The following GRID2 variants were observed in gnomAD, a reference collection of about 807,000 sequenced individuals.
GRID2 encodes glutamate ionotropic receptor delta type subunit 2.
In GRID2, 33 loss-of-function variants were observed where a neutral mutation model predicts 114.8. That is an observed-to-expected ratio of 0.29 (90% confidence interval 0.22 to 0.38). GRID2 has a LOEUF of 0.38. Ranked by LOEUF, GRID2 falls within the 10% of genes least tolerant of loss-of-function variation. GRID2 has a pLI of 1.00. For synonymous variants in GRID2, 505 were observed against 449.9 expected (o/e 1.12, Z -1.55); for missense variants, 1,184 against 1,257.7 (o/e 0.94, Z 0.89).
At chr4:92,806,378 A>G (rs1342468412) in intron 2 of GRID2, among the ~76,000 whole-genome samples, 2 of 151,948 alleles carry the variant, frequency 1.3e-5, no homozygotes, top group Non-Finnish European at 2.9e-5. Context: ...AAGATTGTAT[A>G]AATGCAATAG....
chr4:93,146,697 T>C (rs1736293496), intron 4 of GRID2, among the ~76,000 whole-genome samples: 1 of 31,616 alleles, frequency 3.2e-5, no homozygotes, highest in African/African-American at 1.7e-4. Flanking sequence ...GGTACCTAAG[T>C]GATTTAAAAA....
intron 1 of GRID2, among the ~76,000 whole-genome samples, chr4:92,307,057 A>T (rs564894970): frequency 2.0e-5 from 3 of 152,146 alleles, no homozygotes; most frequent in African/African-American, 7.2e-5. Context: ...GACGGGTAGT[A>T]TGTGTGTAAT....
At chr4:92,604,875 A>G (rs1249643102) in intron 2 of GRID2, among the ~76,000 whole-genome samples, 1 of 152,002 alleles carries the variant, frequency 6.6e-6, no homozygotes, top group Non-Finnish European at 1.5e-5. Flanking sequence ...TTTAATCTTC[A>G]TAAGCTCCAT....
intron 1 of GRID2, among the ~76,000 whole-genome samples, chr4:92,565,550 T>C (rs1244754861): frequency 5.9e-5 from 9 of 152,056 alleles, no homozygotes; most frequent in Non-Finnish European, 1.5e-5. Context: ...GCTATCTATC[T>C]ATCTATCTAC....
At chr4:93,306,630 A>T (rs77732185) in intron 8 of GRID2, among the ~76,000 whole-genome samples, 2,629 of 152,276 alleles carry the variant, frequency 0.017, 81 homozygotes, top group African/African-American at 0.06. Context: ...AGTGTATTTT[A>T]AAAATAGCTG....
intron 1 of GRID2, among the ~76,000 whole-genome samples, chr4:92,407,342 C>T (rs1731079078): frequency 1.3e-5 from 2 of 152,056 alleles, no homozygotes. Context: ...TTGATGGGCG[C>T]ATAGGTTGAT....
At chr4:92,382,506 A>G (rs2110239562) in intron 1 of GRID2, among the ~76,000 whole-genome samples, 1 of 152,160 alleles carries the variant, frequency 6.6e-6, no homozygotes, top group South Asian at 2.1e-4. Flanking sequence ...TAGTTGAAAA[A>G]TGTAGGTGTA....
At chr4:93,252,567 T>C (rs1348289729) in intron 8 of GRID2, among the ~76,000 whole-genome samples, 3 of 152,116 alleles carry the variant, frequency 2.0e-5, no homozygotes, top group Non-Finnish European at 2.9e-5. Context: ...TTTGGTTCCA[T>C]AAAAATTTTA....
chr4:93,766,097 A>G (rs1733646445), intron 14 of GRID2, among the ~76,000 whole-genome samples: 1 of 152,164 alleles, frequency 6.6e-6, no homozygotes, highest in Admixed American at 6.5e-5. Flanking sequence ...GTAGGAGGCA[A>G]TATGGAGGAT....
chr4:93,060,646 T>G (rs962564911), intron 2 of GRID2, among the ~76,000 whole-genome samples: 1 of 152,180 alleles, frequency 6.6e-6, no homozygotes, highest in Non-Finnish European at 1.5e-5. Flanking sequence ...TTCTACAATA[T>G]GTGACTTTTC....
chr4:93,613,649 TGAG>T (rs1254173646), intron 13 of GRID2, among the ~76,000 whole-genome samples: 3 of 131,160 alleles, frequency 2.3e-5, no homozygotes, highest in Non-Finnish European at 3.4e-5. Context: ...GGGACCCACT[TGAG>T]GAGGCAGTCT....
At chr4:93,713,649 G>A (rs1257400251) in intron 14 of GRID2, among the ~76,000 whole-genome samples, 1 of 151,986 alleles carries the variant, frequency 6.6e-6, no homozygotes, top group Non-Finnish European at 1.5e-5. Flanking sequence ...GATAGAGAGT[G>A]ACAAGCAGGG....
At chr4:92,945,488 A>G (rs991234380) in intron 2 of GRID2, among the ~76,000 whole-genome samples, 1 of 152,138 alleles carries the variant, frequency 6.6e-6, no homozygotes, top group Non-Finnish European at 1.5e-5. Context: ...CTATTCATTG[A>G]GATACCAAGA....
At chr4:93,429,276 T>C (rs928058163) in intron 10 of GRID2, among the ~76,000 whole-genome samples, 1 of 152,214 alleles carries the variant, frequency 6.6e-6, no homozygotes, top group Non-Finnish European at 1.5e-5. Flanking sequence ...GCTCACAGTA[T>C]ATAGCAGAGT....
At chr4:92,582,831 T>C (rs543599524) in intron 1 of GRID2, among the ~76,000 whole-genome samples, 1 of 151,396 alleles carries the variant, frequency 6.6e-6, no homozygotes, top group East Asian at 2.0e-4. Context: ...TACAAAAAAT[T>C]TAAAAATTAG....
At chr4:93,590,655 A>G (rs948799285) in intron 13 of GRID2, among the ~76,000 whole-genome samples, 12 of 152,210 alleles carry the variant, frequency 7.9e-5, no homozygotes, top group African/African-American at 2.9e-4. Flanking sequence ...CAGTATGGCC[A>G]TTTTCACGAT....
intron 14 of GRID2, among the ~76,000 whole-genome samples, chr4:93,707,729 A>T: frequency 6.6e-6 from 1 of 150,690 alleles, no homozygotes; most frequent in Non-Finnish European, 1.5e-5. Context: ...CCTCTTACTA[A>T]CTTTGGGTTT....
intron 2 of GRID2, among the ~76,000 whole-genome samples, chr4:92,774,827 C>T (rs1328020468): frequency 1.3e-5 from 2 of 152,034 alleles, no homozygotes; most frequent in Non-Finnish European, 2.9e-5. Flanking sequence ...AACCTCTGGG[C>T]TCAAGCAATC....
chr4:93,402,744 A>G (rs1466304480), intron 9 of GRID2, among the ~76,000 whole-genome samples: 1 of 152,120 alleles, frequency 6.6e-6, no homozygotes, highest in Non-Finnish European at 1.5e-5. Flanking sequence ...TGATTTTCAA[A>G]AATATCTAGA....
Sources: gnomAD v4.1 joint callset for allele counts (sites outside exome capture counted in the v4.1 genomes callset) on GRCh38, gnomAD v4.1.1 for gene constraint, MANE v1.5 for transcripts, NCBI Gene and HGNC (gene_info 2026-07-23, HGNC 2026-07-21) for gene names.